Variants in SQLE observed in about 807,000 individuals in gnomAD.
SQLE encodes squalene epoxidase.
Under a neutral mutation model 60.7 loss-of-function variants are expected in SQLE, and 29 were observed. That is an observed-to-expected ratio of 0.48 (90% CI 0.36 to 0.65). SQLE has a LOEUF of 0.65. SQLE is among the 30% of genes least tolerant of loss of function. SQLE has a pLI of 0.00. For synonymous variants in SQLE, 237 were observed against 246.8 expected (o/e 0.96, Z 0.37); for missense variants, 605 against 684.1 (o/e 0.88, Z 1.29).
At chr8:125,004,416 C>T (rs1303063531) in intron 2 of SQLE, among the ~76,000 whole-genome samples, 1 of 151,958 alleles carries the variant, frequency 6.6e-6, no homozygotes, top group Non-Finnish European at 1.5e-5. Context: ...TCGAAGGATG[C>T]TAATTTCTTC....
rs900053486 is a variant in SQLE at position 124,999,350 on chromosome 8, A to T, written c.-54A>T. The T allele has an allele frequency of 4.1e-6, 6 of 1,465,120 alleles. No homozygotes were observed. In the African/African-American group the frequency reaches 5.7e-5, roughly 14 times the overall value. 90.8% of individuals were successfully genotyped at this position (1,465,120 alleles called of 1,614,324 possible). ...TCATTTTGGGGAGAACCTTAAACCC[A>T]CTCGAGCAGATAATCTCCGCCTTGA... On this transcript the variant is annotated 5_prime_UTR_variant, in exon 1 of 11. Coordinates refer to ENST00000265896, the MANE Select transcript of SQLE (RefSeq NM_003129.4).
At chr8:125,000,660 GC>G (rs1356112688) in intron 1 of SQLE, among the ~76,000 whole-genome samples, 3 of 151,880 alleles carry the variant, frequency 2.0e-5, no homozygotes, top group Non-Finnish European at 4.4e-5. Context: ...CACCATGTTG[GC>G]CAGGCTGGTC....
At chr8:125,004,396 G>A (rs1286326636) in intron 2 of SQLE, among the ~76,000 whole-genome samples, 12 of 152,024 alleles carry the variant, frequency 7.9e-5, no homozygotes, top group Admixed American at 7.9e-4. Flanking sequence ...CCAAGAGTAA[G>A]ATTATTACAT....
rs535073040 is a variant in SQLE at position 124,999,123 on chromosome 8, C to G, written c.-281C>G. ...AGAAAAAAAGGGAATATCTGGATTT[C>G]CTGGGCGAGGAGGAGCGAGTCTGCT... On this transcript the variant is annotated 5_prime_UTR_variant, in exon 1 of 11. Coordinates refer to ENST00000265896, the MANE Select transcript of SQLE (RefSeq NM_003129.4). The G allele has an allele frequency of 2.7e-5, 10 of 366,898 alleles. No individual in the cohort carries two copies. The highest frequency in any genetic ancestry group is 4.3e-5 in the Non-Finnish European group (9 of 207,134). The allele number at this position is 366,898 out of a possible 1,614,324, so 22.7% of individuals were successfully genotyped here. A position where few individuals can be genotyped will look rare whatever the true frequency, so the allele number is the denominator to read the frequency against.
chr8:125,015,322 G>A (rs1440646501), intron 7 of SQLE, among the ~76,000 whole-genome samples: 4 of 152,088 alleles, frequency 2.6e-5, no homozygotes, highest in South Asian at 2.1e-4. Context: ...GCAGCAGATC[G>A]TTGGTTCTTT....
At chr8:125,018,589 T>C (rs761347462) in intron 8 of SQLE, 42 bp from the exon 9 acceptor site, 2 of 1,391,922 alleles carry the variant, frequency 1.4e-6, no homozygotes, top group East Asian at 4.7e-5. Context: ...GTTTGTGCTT[T>C]TTTATCCTTA....
intron 9 of SQLE, chr8:125,018,960 T>C: frequency 2.3e-6 from 1 of 443,844 alleles, no homozygotes; most frequent in Non-Finnish European, 4.0e-6. Context: ...CAGTAACATA[T>C]TCATTATTTT....
chr8:125,003,577 G>A (rs1424226922), intron 2 of SQLE, 149 bp downstream of exon 2: 25 of 931,298 alleles, frequency 2.7e-5, no homozygotes, highest in Admixed American at 5.0e-5. Flanking sequence ...GCATGAAAGT[G>A]AGAGCAAAGG....
rs1211437701 is a variant in SQLE at position 125,008,981 on chromosome 8, C to T, written c.833C>T (p.Ala278Val). 6.4e-7 allele frequency: 1 copy of T among 1,573,228 alleles called. No individual in the cohort carries two copies. Among genetic ancestry groups the T allele is most frequent in the Admixed American group, 2.0e-5 (1 of 50,392 alleles). Residue 278 changes from alanine (A) to valine (V), a missense_variant, in exon 5 of 11, where the codon GCT (alanine) becomes GTT (valine). Transcript: ENST00000265896. Reference protein sequence around the residue: ...KETGDIKELHAPLTVVADGLF... With the variant: ...KETGDIKELHVPLTVVADGLF... ...TCATTTCTGTTATAGGAACTCCATGCTCCACTGACTGTTGTTGCAGATGGG... is the reference window on the plus strand; with the variant it reads ...TCATTTCTGTTATAGGAACTCCATGTTCCACTGACTGTTGTTGCAGATGGG...
At chr8:125,020,748 G>A in intron 9 of SQLE, 36 bp from the exon 10 acceptor site, 1 of 1,305,858 alleles carries the variant, frequency 7.7e-7, no homozygotes, top group South Asian at 1.2e-5. Flanking sequence ...ACATAAGTGT[G>A]TACACATATT....
At chr8:125,011,658 A>G in intron 7 of SQLE, 26 bp downstream of exon 7, 1 of 1,523,234 alleles carries the variant, frequency 6.6e-7, no homozygotes, top group South Asian at 1.2e-5. Context: ...CTTATTTTAT[A>G]AAGGAATCAG....
intron 2 of SQLE, among the ~76,000 whole-genome samples, chr8:125,005,055 A>G (rs1814926168): frequency 6.6e-6 from 1 of 152,108 alleles, no homozygotes; most frequent in South Asian, 2.1e-4. Flanking sequence ...GGTTTGGAAA[A>G]TCTACTTTTT....
intron 1 of SQLE, among the ~76,000 whole-genome samples, chr8:125,000,674 G>A (rs1449959107): frequency 1.3e-5 from 2 of 151,706 alleles, no homozygotes; most frequent in Non-Finnish European, 2.9e-5. Context: ...GGCTGGTCTC[G>A]AACTCCTGAC....
At chr8:125,011,273 C>T in intron 6 of SQLE, 1 of 239,874 alleles carries the variant, frequency 4.2e-6, no homozygotes, top group East Asian at 8.1e-5. Context: ...CTGAATTTGC[C>T]TCATTGTTTT....
At chr8:125,000,525 C>G (rs1480400551) in intron 1 of SQLE, among the ~76,000 whole-genome samples, 2 of 152,198 alleles carry the variant, frequency 1.3e-5, no homozygotes, top group African/African-American at 4.8e-5. Flanking sequence ...CTCACTGCAA[C>G]CTCCGCCTCC....
intron 7 of SQLE, among the ~76,000 whole-genome samples, chr8:125,012,344 A>G (rs915164732): frequency 1.3e-5 from 2 of 152,224 alleles, no homozygotes; most frequent in Admixed American, 6.5e-5. Flanking sequence ...CAGTGTGTGC[A>G]TCACCACCAC....
In SQLE at chr8:125,021,008, C is replaced by G. The variant is rs146932407; in HGVS notation, c.1532+137C>G. The G allele has an allele frequency of 4.6e-4, 292 of 637,568 alleles. 2 individuals carry two copies. The African/African-American group carries it at 5.0e-3, about 11-fold the overall frequency. The allele number at this position is 637,568 out of a possible 1,614,324, so 39.5% of individuals were successfully genotyped here. A position where few individuals can be genotyped will look rare whatever the true frequency, so the allele number is the denominator to read the frequency against. On this transcript the variant is annotated intron_variant, in intron 10 of 10. Transcript: ENST00000265896. ...GTTAGTATCCCAATGAGAAGGTGGC[C>G]CAAAGAAATGAAGAAACGCAATATT...
rs1169321902 is a variant in SQLE, at chr8:125,022,175, A to ATGAT, written c.*233_*236dup. The stretch of plus-strand genomic sequence containing the variant: ...TAAATAAGTTAGACATTTAAAAGAA[A>ATGAT]TGATTGTTACCATAAATTAGTGCTA... On this transcript the variant is annotated 3_prime_UTR_variant, in exon 11 of 11. Transcript: ENST00000265896. 9.8e-6 allele frequency: 3 copies of ATGAT among 306,168 alleles called. No homozygotes were observed. Among genetic ancestry groups the ATGAT allele is most frequent in the African/African-American group, 6.4e-5 (3 of 46,590 alleles). 19.0% of individuals were successfully genotyped at this position (306,168 alleles called of 1,614,324 possible).
Position 125,008,683 on chromosome 8 carries a change from G to T in SQLE, c.823-288G>T, listed in dbSNP as rs776977081. Among the ~76,000 whole-genome samples the T allele has an allele frequency of 2.6e-5, 4 of 152,162 alleles. No homozygotes were observed. In the East Asian group the frequency reaches 5.8e-4, roughly 22 times the overall value. On this transcript the variant is annotated intron_variant, in intron 4 of 10. Transcript: ENST00000265896. ...CTGCTCTGTGTTACATGCCTGCCTTGTAGTTGTTTCCCCCATTGTCTGTCA... is the reference window on the plus strand; with the variant it reads ...CTGCTCTGTGTTACATGCCTGCCTTTTAGTTGTTTCCCCCATTGTCTGTCA...
Sources: allele counts gnomAD v4.1 joint callset (sites outside exome capture counted in the v4.1 genomes callset), GRCh38; gene constraint gnomAD v4.1.1; transcripts MANE v1.5; gene names NCBI Gene and HGNC (gene_info 2026-07-23, HGNC 2026-07-21).